Variants in LRRTM4 observed in about 807,000 individuals in gnomAD.
LRRTM4 encodes the protein leucine rich repeat transmembrane neuronal 4.
In LRRTM4, 25 loss-of-function variants were observed where a neutral mutation model predicts 47.6. The ratio of observed to expected loss-of-function variants is 0.53; its 90% CI spans 0.38 to 0.73. LRRTM4 has a LOEUF of 0.73. Ranked by LOEUF, LRRTM4 falls within the 30% of genes least tolerant of loss-of-function variation. The pLI, the probability that LRRTM4 is intolerant of heterozygous loss-of-function variation, is 0.00. For missense variants in LRRTM4, 638 were observed against 713.4 expected, an observed-to-expected ratio of 0.89 and a Z score of 1.20; for synonymous variants, 311 against 269.5, an observed-to-expected ratio of 1.15 and a Z score of -1.51.
chr2:77,101,356 A>C (rs1454916079), intron 3 of LRRTM4, among the ~76,000 whole-genome samples: 1 of 152,144 alleles, frequency 6.6e-6, no homozygotes, highest in Non-Finnish European at 1.5e-5. Context: ...TTCTTATATG[A>C]AAGTTGGGTT....
At chr2:77,365,242 T>C (rs1029127368) in intron 3 of LRRTM4, among the ~76,000 whole-genome samples, 15 of 152,184 alleles carry the variant, frequency 9.9e-5, no homozygotes, top group Middle Eastern at 3.4e-3. Flanking sequence ...AGAGAAATGC[T>C]GCAGTCAATG....
At position 76,826,030 on chromosome 2, in the gene LRRTM4, G is replaced by T. The variant is rs376042088; in HGVS notation, c.1552-77114C>A. On this transcript the variant is annotated intron_variant, in intron 3 of 3. Transcript: ENST00000409884. ...ATGACCTTGATAAAATAGTTTCTTG[G>T]AATTGAATGAATAGAATTACACATA... Among the ~76,000 whole-genome samples the T allele has an allele frequency of 4.9e-4, 74 of 151,760 alleles. No homozygotes were observed. The South Asian group carries it at 0.015, about 30-fold the overall frequency.
chr2:77,327,762 CA>C (rs1670830387), intron 3 of LRRTM4, among the ~76,000 whole-genome samples: 2 of 151,566 alleles, frequency 1.3e-5, no homozygotes, highest in South Asian at 4.2e-4. Flanking sequence ...CCCTTGAAAC[CA>C]ATACAATAGC....
intron 3 of LRRTM4, among the ~76,000 whole-genome samples, chr2:77,050,497 C>T (rs961162816): frequency 2.6e-5 from 4 of 152,072 alleles, no homozygotes; most frequent in Admixed American, 6.6e-5. Flanking sequence ...TAAAGATCCA[C>T]GTGTCAGAAT....
chr2:76,844,286 C>T (rs1443322838), intron 3 of LRRTM4, among the ~76,000 whole-genome samples: 7 of 151,942 alleles, frequency 4.6e-5, no homozygotes, highest in Non-Finnish European at 1.5e-5. Context: ...AGACGCATGC[C>T]ACCACGCCCG....
chr2:77,384,042 C>T (rs1235322554), intron 3 of LRRTM4, among the ~76,000 whole-genome samples: 3 of 151,998 alleles, frequency 2.0e-5, no homozygotes, highest in Non-Finnish European at 4.4e-5. Flanking sequence ...TATTATCACT[C>T]TTAATATTTG....
At chr2:77,307,121 C>T (rs1288224072) in intron 3 of LRRTM4, among the ~76,000 whole-genome samples, 4 of 151,798 alleles carry the variant, frequency 2.6e-5, no homozygotes, top group African/African-American at 9.7e-5. Flanking sequence ...AGGATGGTCT[C>T]GATCTCCTGA....
At chr2:77,405,106 A>G (rs1674130799) in intron 3 of LRRTM4, among the ~76,000 whole-genome samples, 1 of 152,114 alleles carries the variant, frequency 6.6e-6, no homozygotes, top group African/African-American at 2.4e-5. Context: ...AATTACTCTT[A>G]TAATGTAATT....
intron 3 of LRRTM4, among the ~76,000 whole-genome samples, chr2:77,261,860 C>T (rs1675927915): frequency 6.6e-6 from 1 of 152,096 alleles, no homozygotes; most frequent in South Asian, 2.1e-4. Context: ...AACATGGGTT[C>T]CCAACCCAGC....
intron 3 of LRRTM4, among the ~76,000 whole-genome samples, chr2:77,316,515 C>G (rs1220719590): frequency 6.6e-6 from 1 of 151,548 alleles, no homozygotes; most frequent in East Asian, 1.9e-4. Flanking sequence ...CTCCTATATA[C>G]CAGGGCTGAA....
In LRRTM4 at chr2:76,837,270, CTCTT is replaced by C. The variant is rs962082058; in HGVS notation, c.1552-88358_1552-88355del. Among the ~76,000 whole-genome samples, 5 of 148,854 alleles carry C rather than the reference CTCTT, an allele frequency of 3.4e-5. No homozygotes were observed. The South Asian group carries it at 1.0e-3, about 31-fold the overall frequency. ...TTTATTGCGTCTATTTGATTCTTCT[CTCTT>C]TTTTTATTAGTCTTCGTAGCGGTCT... is the stretch of plus-strand genomic sequence containing the variant. On this transcript the variant is annotated intron_variant, in intron 3 of 3. Coordinates refer to ENST00000409884, the MANE Select transcript of LRRTM4 (RefSeq NM_001134745.3).
At chr2:77,516,826 TGA>T (rs1223120139) in intron 3 of LRRTM4, 18 of 983,950 alleles carry the variant, frequency 1.8e-5, no homozygotes, top group Non-Finnish European at 2.2e-5. Context: ...CAAATTGTAC[TGA>T]GTTAGAGATT....
At chr2:76,767,778 C>A (rs1003655869) in intron 3 of LRRTM4, among the ~76,000 whole-genome samples, 2 of 152,082 alleles carry the variant, frequency 1.3e-5, no homozygotes, top group Non-Finnish European at 2.9e-5. Flanking sequence ...TTTTTACATG[C>A]CTCTTCACAT....
chr2:76,863,921 G>A (rs575885351), intron 3 of LRRTM4, among the ~76,000 whole-genome samples: 42 of 152,244 alleles, frequency 2.8e-4, no homozygotes, highest in Middle Eastern at 6.8e-3. Context: ...AAGAATAAAT[G>A]TTAATCTTAC....
chr2:77,480,114 A>C (rs1476460691), intron 3 of LRRTM4, among the ~76,000 whole-genome samples: 1 of 152,126 alleles, frequency 6.6e-6, no homozygotes, highest in Admixed American at 6.5e-5. Flanking sequence ...TGTCAGAGAG[A>C]GATGGGGTCT....
At chr2:76,988,432 T>G (rs528694238) in intron 3 of LRRTM4, among the ~76,000 whole-genome samples, 1 of 151,792 alleles carries the variant, frequency 6.6e-6, no homozygotes, top group Non-Finnish European at 1.5e-5. Context: ...TCAGAGAAAT[T>G]TGTTCTCCAT....
intron 3 of LRRTM4, among the ~76,000 whole-genome samples, chr2:77,349,746 A>G (rs1671690586): frequency 6.6e-6 from 1 of 152,166 alleles, no homozygotes; most frequent in African/African-American, 2.4e-5. Context: ...ACGGATTAGA[A>G]TAAGAATACA....
intron 3 of LRRTM4, among the ~76,000 whole-genome samples, chr2:77,365,440 T>C (rs1420458951): frequency 6.6e-6 from 1 of 151,938 alleles, no homozygotes; most frequent in African/African-American, 2.4e-5. Flanking sequence ...CGTGAAAAGC[T>C]CTTATGGTTT....
At chr2:76,873,312 C>A (rs922255609) in intron 3 of LRRTM4, among the ~76,000 whole-genome samples, 1 of 151,774 alleles carries the variant, frequency 6.6e-6, no homozygotes, top group Non-Finnish European at 1.5e-5. Flanking sequence ...CTAGCATTGT[C>A]ATGCCCAGAG....
Sources: allele counts gnomAD v4.1 joint callset (sites outside exome capture counted in the v4.1 genomes callset), GRCh38; gene constraint gnomAD v4.1.1; transcripts MANE v1.5; gene names NCBI Gene and HGNC (gene_info 2026-07-23, HGNC 2026-07-21).